The following ITGA8 variants were observed in gnomAD, a reference collection of about 807,000 sequenced individuals.
The protein encoded by ITGA8 is integrin subunit alpha 8.
ITGA8 carries 91 observed loss-of-function variants against 142.3 expected under a neutral mutation model. The observed-to-expected ratio is 0.64, with a 90% CI of 0.54 to 0.76. The LOEUF is 0.76. Ranked by LOEUF, ITGA8 falls within the 30% of genes least tolerant of loss-of-function variation. The probability of loss-of-function intolerance (pLI) is 0.00; values close to 1 mark genes in which losing one functional copy is unlikely to be tolerated. For missense variants in ITGA8, 1,406 were observed against 1,327.7 expected, an observed-to-expected ratio of 1.06 and a Z score of -0.92; for synonymous variants, 505 against 485.2, an observed-to-expected ratio of 1.04 and a Z score of -0.54.
intron 2 of ITGA8, among the ~76,000 whole-genome samples, chr10:15,708,554 AC>A (rs1047071970): frequency 2.0e-5 from 3 of 152,132 alleles, no homozygotes; most frequent in Non-Finnish European, 2.9e-5. Flanking sequence ...GTATATTTGA[AC>A]TGAGTGTCCT....
At chr10:15,635,039 G>A (rs1417056509) in intron 13 of ITGA8, among the ~76,000 whole-genome samples, 2 of 69,746 alleles carry the variant, frequency 2.9e-5, no homozygotes, top group Non-Finnish European at 5.2e-5. Flanking sequence ...ATGGAGTTTT[G>A]CTCTGTCACC....
intron 27 of ITGA8, among the ~76,000 whole-genome samples, chr10:15,536,269 A>G (rs1335171958): frequency 6.6e-6 from 1 of 152,166 alleles, no homozygotes; most frequent in East Asian, 1.9e-4. Context: ...CTTCAAAAGT[A>G]AGGTTTCTTC....
At position 15,515,272 on chromosome 10, in the gene ITGA8, G is replaced by C. The variant is rs878320; in HGVS notation, c.*1886C>G. Reference sequence around the variant, plus strand: ...CTTAATTCTTTGAGGCAACTTCAGTGCTCATCCGTAGTCAGCCACACAAAC... The same window carrying C: ...CTTAATTCTTTGAGGCAACTTCAGTCCTCATCCGTAGTCAGCCACACAAAC... On this transcript the variant is annotated 3_prime_UTR_variant, in exon 30 of 30. Transcript: ENST00000378076. 0.51 allele frequency: 78,117 copies of C among 151,684 alleles called. 24,065 individuals are homozygous for C. The highest frequency in any genetic ancestry group is 0.7 in the Middle Eastern group (205 of 292). 9.4% of individuals were successfully genotyped at this position (151,684 alleles called of 1,614,324 possible). A position where few individuals can be genotyped will look rare whatever the true frequency, so the allele number is the denominator to read the frequency against.
At chr10:15,541,307 T>C (rs1213644728) in intron 27 of ITGA8, among the ~76,000 whole-genome samples, 1 of 152,218 alleles carries the variant, frequency 6.6e-6, no homozygotes, top group African/African-American at 2.4e-5. Context: ...CCAAGAATGC[T>C]CATGGGCTAA....
intron 28 of ITGA8, among the ~76,000 whole-genome samples, chr10:15,527,369 C>T (rs1239084831): frequency 6.6e-6 from 1 of 152,106 alleles, no homozygotes; most frequent in Admixed American, 6.5e-5. Context: ...TTTGTAATAA[C>T]CACCTTTGGA....
At chr10:15,705,815 T>G (rs911808929) in intron 2 of ITGA8, among the ~76,000 whole-genome samples, 28 of 152,216 alleles carry the variant, frequency 1.8e-4, no homozygotes, top group African/African-American at 6.8e-4. Flanking sequence ...CTTTCTTTAT[T>G]GGCTTCATGG....
intron 2 of ITGA8, among the ~76,000 whole-genome samples, chr10:15,695,276 A>T (rs1466935045): frequency 6.6e-6 from 1 of 152,170 alleles, no homozygotes; most frequent in Non-Finnish European, 1.5e-5. Flanking sequence ...CTATGTACTG[A>T]GACGAGTTTT....
intron 3 of ITGA8, among the ~76,000 whole-genome samples, chr10:15,687,260 T>C (rs1240809257): frequency 6.6e-6 from 1 of 152,128 alleles, no homozygotes; most frequent in African/African-American, 2.4e-5. Context: ...CCAAAGTTAT[T>C]GCTTTATTGT....
chr10:15,610,509 A>C (rs1833274107), intron 15 of ITGA8, among the ~76,000 whole-genome samples: 1 of 152,180 alleles, frequency 6.6e-6, no homozygotes, highest in Non-Finnish European at 1.5e-5. Flanking sequence ...GGAACAAAAA[A>C]ACCCATCAAA....
At chr10:15,653,909 A>C (rs979744711) in intron 11 of ITGA8, among the ~76,000 whole-genome samples, 4 of 150,098 alleles carry the variant, frequency 2.7e-5, no homozygotes, top group Admixed American at 6.7e-5. Flanking sequence ...ATCACGGCTC[A>C]CTGCAACCTC....
chr10:15,624,769 C>T (rs1248060462), intron 13 of ITGA8, among the ~76,000 whole-genome samples: 2 of 152,068 alleles, frequency 1.3e-5, no homozygotes, highest in African/African-American at 4.8e-5. Context: ...TAAACCAACC[C>T]AAGGTTGGCT....
intron 21 of ITGA8, among the ~76,000 whole-genome samples, chr10:15,594,613 T>C (rs1832983273): frequency 6.6e-6 from 1 of 152,046 alleles, no homozygotes; most frequent in South Asian, 2.1e-4. Flanking sequence ...TGAAACCCCA[T>C]CTCTACTAAA....
intron 13 of ITGA8, among the ~76,000 whole-genome samples, chr10:15,625,841 A>G (rs1169461679): frequency 2.6e-5 from 4 of 152,230 alleles, no homozygotes; most frequent in African/African-American, 9.6e-5. Flanking sequence ...CTTTTAATGA[A>G]AAGCAGCCCC....
chr10:15,606,105 G>A lies in ITGA8; in HGVS notation c.1902+180C>T, dbSNP rs2282384. 0.17 allele frequency among the ~76,000 whole-genome samples: 25,531 copies of A among 152,118 alleles called. 2,638 individuals are homozygous for A. The highest frequency in any genetic ancestry group is 0.24 in the Non-Finnish European group (16,049 of 67,978). On this transcript the variant is annotated intron_variant, in intron 18 of 29. Coordinates refer to ENST00000378076, the MANE Select transcript of ITGA8 (RefSeq NM_003638.3). ...TAAATCTTGATTGCACAAGAGGAAAGGCTTCCGAAAAACACAATCATGCAG... is the reference window on the plus strand; with the variant it reads ...TAAATCTTGATTGCACAAGAGGAAAAGCTTCCGAAAAACACAATCATGCAG...
chr10:15,523,016 A>G (rs1353326211), intron 28 of ITGA8, among the ~76,000 whole-genome samples: 4 of 101,342 alleles, frequency 3.9e-5, no homozygotes, highest in African/African-American at 2.1e-4. Context: ...GCTCAGTCTC[A>G]AAAAAAAAAA....
At chr10:15,575,818 A>G (rs1193675118) in intron 23 of ITGA8, among the ~76,000 whole-genome samples, 1 of 152,212 alleles carries the variant, frequency 6.6e-6, no homozygotes, top group Admixed American at 6.5e-5. Context: ...GAGGGCAACT[A>G]TTTTATAGCA....
At chr10:15,709,801 A>G (rs367759417) in intron 2 of ITGA8, among the ~76,000 whole-genome samples, 156 of 152,306 alleles carry the variant, frequency 1.0e-3, no homozygotes, top group African/African-American at 3.6e-3. Context: ...TTTAAAGTTA[A>G]TCTAGAATGA....
At chr10:15,621,417 G>T (rs1833489145) in intron 13 of ITGA8, among the ~76,000 whole-genome samples, 1 of 152,214 alleles carries the variant, frequency 6.6e-6, no homozygotes. Flanking sequence ...GGTCATAGGA[G>T]ATGCATTACA....
At chr10:15,667,606 A>G (rs541453304) in intron 8 of ITGA8, among the ~76,000 whole-genome samples, 75 of 150,972 alleles carry the variant, frequency 5.0e-4, no homozygotes, top group African/African-American at 1.8e-3. Context: ...TTTAATTGTG[A>G]TGTTAGGGTG....
Sources: gnomAD v4.1 joint callset for allele counts (sites outside exome capture counted in the v4.1 genomes callset) on GRCh38, gnomAD v4.1.1 for gene constraint, MANE v1.5 for transcripts, NCBI Gene and HGNC (gene_info 2026-07-23, HGNC 2026-07-21) for gene names.